The following CIB1 variants were observed in gnomAD, a reference collection of about 807,000 sequenced individuals.
CIB1 encodes calcium and integrin-binding protein 1.
CIB1 carries 19 observed loss-of-function variants against 25.0 expected under a neutral mutation model. The ratio of observed to expected loss-of-function variants is 0.76; its 90% CI spans 0.53 to 1.12. The LOEUF (loss-of-function observed/expected upper bound fraction) is 1.12. Ranked by LOEUF, CIB1 falls within the 50% of genes most tolerant of loss-of-function variation. CIB1 has a pLI of 0.00. For synonymous variants in CIB1, 104 were observed against 98.5 expected, an observed-to-expected ratio of 1.06 and a Z score of -0.33; for missense variants, 236 against 242.6, an observed-to-expected ratio of 0.97 and a Z score of 0.18.
upstream of CIB1, chr15:90,236,050 T>A (rs1962630680): frequency 6.6e-6 from 1 of 152,154 alleles, no homozygotes; most frequent in Non-Finnish European, 1.5e-5. Flanking sequence ...TGTCTTCTTT[T>A]TTTTTGAGAC....
chr15:90,263,641 G>A, the CIB1 span: 2 of 598,856 alleles, frequency 3.3e-6, no homozygotes, highest in Non-Finnish European at 6.0e-6. Context: ...TTAAATAGTG[G>A]CCGCGGCCTA....
At chr15:90,234,048 G>A, upstream of CIB1, 1 of 805,126 alleles carries the variant, frequency 1.2e-6, no homozygotes, top group Non-Finnish European at 1.8e-6. Flanking sequence ...GTTCCCAGCC[G>A]GGTTTGGCAG....
At chr15:90,263,944 C>T in the CIB1 span, 2 of 1,530,298 alleles carry the variant, frequency 1.3e-6, no homozygotes, top group Non-Finnish European at 1.8e-6. Flanking sequence ...GTACCATCTG[C>T]AGCCCAAGAA....
At chr15:90,245,573 T>C in the CIB1 span, 2 of 152,212 alleles carry the variant, frequency 1.3e-5, no homozygotes, top group African/African-American at 2.4e-5. Flanking sequence ...TTAATACTTT[T>C]TGCAAGCTTT....
chr15:90,265,674 T>A, the CIB1 span: 2 of 1,609,700 alleles, frequency 1.2e-6, no homozygotes, highest in Non-Finnish European at 1.7e-6. Context: ...CTTCCGCTGC[T>A]GTTTCGTAGC....
At chr15:90,264,903 GC>G in the CIB1 span, 2 of 1,535,912 alleles carry the variant, frequency 1.3e-6, no homozygotes, top group Non-Finnish European at 1.7e-6. Context: ...GTTCCCCTCT[GC>G]CCTGCGTCTG....
chr15:90,248,035 C>T, the CIB1 span, among the ~76,000 whole-genome samples: 1 of 151,918 alleles, frequency 6.6e-6, no homozygotes, highest in Non-Finnish European at 1.5e-5. Context: ...GCCATCACAC[C>T]CGGCCAGATA....
the CIB1 span, among the ~76,000 whole-genome samples, chr15:90,252,910 C>T: frequency 6.6e-6 from 1 of 151,996 alleles, no homozygotes; most frequent in South Asian, 2.1e-4. Flanking sequence ...CGCTGAGGCA[C>T]GAGAATCTCT....
chr15:90,245,698 A>G, the CIB1 span: 1 of 152,196 alleles, frequency 6.6e-6, no homozygotes, highest in Non-Finnish European at 1.5e-5. Context: ...GCCAAATATC[A>G]GGATTTTCCC....
At chr15:90,259,057 A>G in the CIB1 span, 38 of 1,510,746 alleles carry the variant, frequency 2.5e-5, no homozygotes, top group Non-Finnish European at 2.2e-5. Flanking sequence ...TAATATGTTC[A>G]TATTTGCATT....
chr15:90,256,379 G>A, the CIB1 span: 4 of 1,571,590 alleles, frequency 2.5e-6, no homozygotes, highest in African/African-American at 1.4e-5. Context: ...CAGGGAGGAA[G>A]CTGGTCTTAG....
At chr15:90,251,484 G>A in the CIB1 span, 1 of 1,426,516 alleles carries the variant, frequency 7.0e-7, no homozygotes, top group East Asian at 2.3e-5. Flanking sequence ...GAATTTGTTG[G>A]ATGTCTTTTC....
the CIB1 span, chr15:90,255,812 A>G: frequency 8.7e-6 from 14 of 1,614,008 alleles, no homozygotes; most frequent in Non-Finnish European, 1.1e-5. Context: ...GCTGGCTCGG[A>G]ACCTCAACCG....
the CIB1 span, chr15:90,262,616 C>G: frequency 1.3e-6 from 2 of 1,528,054 alleles, no homozygotes; most frequent in South Asian, 2.4e-5. Flanking sequence ...CAGGGCAGGG[C>G]TCCAGAGCCT....
At chr15:90,251,015 G>A in the CIB1 span, 13 of 1,260,138 alleles carry the variant, frequency 1.0e-5, no homozygotes, top group South Asian at 5.9e-5. Flanking sequence ...AGGAAATGCT[G>A]GAGTGTCATT....
At chr15:90,259,099 A>C in the CIB1 span, 4 of 1,409,520 alleles carry the variant, frequency 2.8e-6, no homozygotes, top group Non-Finnish European at 3.7e-6. Context: ...TTGGTGGCTC[A>C]TATCTGTAAT....
At chr15:90,242,153 T>A in the CIB1 span, 1 of 1,156,182 alleles carries the variant, frequency 8.6e-7, no homozygotes, top group Admixed American at 2.7e-5. Context: ...AGTGGTATGA[T>A]CCTGGCTCAC....
the CIB1 span, among the ~76,000 whole-genome samples, chr15:90,250,018 T>C: frequency 4.6e-5 from 7 of 151,842 alleles, no homozygotes; most frequent in Admixed American, 1.3e-4. Context: ...AGTGCAGTGG[T>C]GTGATCTCGG....
the CIB1 span, chr15:90,262,890 G>A: frequency 3.5e-6 from 5 of 1,433,452 alleles, no homozygotes; most frequent in African/African-American, 1.4e-5. Context: ...GTGGGCAGGA[G>A]GCCTGTAGCC....
Sources: gnomAD v4.1 joint callset for allele counts (sites outside exome capture counted in the v4.1 genomes callset) on GRCh38, gnomAD v4.1.1 for gene constraint, MANE v1.5 for transcripts, NCBI Gene and HGNC (gene_info 2026-07-23, HGNC 2026-07-21) for gene names.